The following SPDEF variants were observed in gnomAD, a reference collection of about 807,000 sequenced individuals.
SPDEF encodes the protein SAM pointed domain containing ETS transcription factor, also known as SAM pointed domain-containing Ets transcription factor.
A neutral mutation model predicts 36.0 loss-of-function variants in SPDEF; 12 were observed. That is an observed-to-expected ratio of 0.33 (90% confidence interval 0.21 to 0.54). SPDEF has a LOEUF of 0.54. Among genes scored for constraint, SPDEF ranks in the 20% least tolerant of loss-of-function variants. The probability of loss-of-function intolerance (pLI) is 0.93; values close to 1 mark genes in which losing one functional copy is unlikely to be tolerated. For missense variants in SPDEF, 388 were observed against 456.9 expected (o/e 0.85, Z 1.37); for synonymous variants, 205 against 193.0 (o/e 1.06, Z -0.51).
At chr6:34,545,933 C>T (rs1187626718) in intron 1 of SPDEF, among the ~76,000 whole-genome samples, 3 of 151,620 alleles carry the variant, frequency 2.0e-5, no homozygotes, top group Non-Finnish European at 2.9e-5. Context: ...ACAAAACACA[C>T]GCACACACAC....
chr6:34,541,866 TC>T (rs150293364), intron 2 of SPDEF, among the ~76,000 whole-genome samples: 8,315 of 152,260 alleles, frequency 0.055, 571 homozygotes, highest in African/African-American at 0.16. Flanking sequence ...GGGGTGAGCC[TC>T]ATAGGCCTAT....
At position 34,544,524 on chromosome 6, in the gene SPDEF, C is replaced by T. The variant is rs1051527482; in HGVS notation, c.-29-40G>A. On this transcript the variant is annotated intron_variant, in intron 1 of 5. Transcript: ENST00000374037. The surrounding 1 kb of genome is among the most constrained non-coding windows in gnomAD (Gnocchi z 4.4). ...GAGGACTCAGGTTTGACTGCTTCTCCATCCCTGTGGGGGCCGCTAAGCTGG... is the reference window on the plus strand; with the variant it reads ...GAGGACTCAGGTTTGACTGCTTCTCTATCCCTGTGGGGGCCGCTAAGCTGG... 30 of 1,434,978 alleles carry T rather than the reference C, an allele frequency of 2.1e-5. No individual in the cohort carries two copies. In the African/African-American group the frequency reaches 4.3e-4, roughly 21 times the overall value. The allele number at this position is 1,434,978 out of a possible 1,614,324, so 88.9% of individuals were successfully genotyped here. A position where few individuals can be genotyped will look rare whatever the true frequency, so the allele number is the denominator to read the frequency against.
chr6:34,555,043 A>C lies in SPDEF; in HGVS notation c.-30+886T>G, dbSNP rs1768136255. ...GAGGGATCTTGGCCTGCCCCTCCCC[A>C]ACATGCACACACACGCACACACACA... On this transcript the variant is annotated intron_variant, in intron 1 of 5. Transcript: ENST00000374037. The surrounding 1 kb of genome is among the most constrained non-coding windows in gnomAD (Gnocchi z 5.2). Among the ~76,000 whole-genome samples, 1 of 151,962 alleles carries C rather than the reference A, an allele frequency of 6.6e-6. No individual in the cohort carries two copies. The highest frequency in any genetic ancestry group is 2.4e-5 in the African/African-American group (1 of 41,348).
intron 1 of SPDEF, among the ~76,000 whole-genome samples, chr6:34,547,198 G>A (rs151201829): frequency 6.6e-5 from 10 of 152,284 alleles, no homozygotes; most frequent in East Asian, 3.9e-4. Flanking sequence ...GCCACAGGTA[G>A]GACAGGAGGC....
At chr6:34,543,915 G>T in intron 2 of SPDEF, 105 bp downstream of exon 2, 1 of 1,140,756 alleles carries the variant, frequency 8.8e-7, no homozygotes, top group Non-Finnish European at 1.2e-6. Flanking sequence ...CCGAGGCTGG[G>T]CCAGAGGTGG....
chr6:34,537,926 G>C lies in SPDEF; in HGVS notation c.*348C>G. 4.4e-6 allele frequency: 1 copy of C among 229,578 alleles called. No homozygotes were observed. Among genetic ancestry groups the C allele is most frequent in the Non-Finnish European group, 8.7e-6 (1 of 115,514 alleles). 14.2% of individuals were successfully genotyped at this position (229,578 alleles called of 1,614,324 possible). ...GAATGGGAGGCAGGGGGATGGAGCA[G>C]AGAGAGGCCTGGACTGCCTGTGGCC... is the stretch of plus-strand genomic sequence containing the variant. On this transcript the variant is annotated 3_prime_UTR_variant, in exon 6 of 6. Transcript: ENST00000374037.
rs1161522024 is a variant in SPDEF at position 34,552,226 on chromosome 6, C to T, written c.-30+3703G>A. On this transcript the variant is annotated intron_variant, in intron 1 of 5. Transcript: ENST00000374037. This position sits in a 1 kb window ranked among gnomAD's most constrained non-coding sequence, Gnocchi z 4.6. ...TACCCTCCTCCAGCCCCGCATACGCCGTACCTCCCAGCTTGCCACAGGACA... is the reference window on the plus strand; with the variant it reads ...TACCCTCCTCCAGCCCCGCATACGCTGTACCTCCCAGCTTGCCACAGGACA... Among the ~76,000 whole-genome samples, 1 of 152,146 alleles carries T rather than the reference C, an allele frequency of 6.6e-6. No homozygotes were observed. The highest frequency in any genetic ancestry group is 2.4e-5 in the African/African-American group (1 of 41,430).
chr6:34,554,098 G>A (rs1768119224), intron 1 of SPDEF, among the ~76,000 whole-genome samples: 2 of 152,116 alleles, frequency 1.3e-5, no homozygotes, highest in South Asian at 2.1e-4. Context: ...AAAGTGACCC[G>A]CCCACGGTCC....
chr6:34,539,689 C>T lies in SPDEF; in HGVS notation c.635-127G>A. 1 of 1,050,828 alleles carries T rather than the reference C, an allele frequency of 9.5e-7. No individual in the cohort carries two copies. Among genetic ancestry groups the T allele is most frequent in the Non-Finnish European group, 1.4e-6 (1 of 697,518 alleles). 65.1% of individuals were successfully genotyped at this position (1,050,828 alleles called of 1,614,324 possible). ...GGCTGGGGGTTGCCCCTGTGGCTCC[C>T]TGCCTCCTGCCAACCTGGGGAGGCA... On this transcript the variant is annotated intron_variant, in intron 3 of 5. Coordinates refer to ENST00000374037, the MANE Select transcript of SPDEF (RefSeq NM_012391.3). This position sits in a 1 kb window ranked among gnomAD's most constrained non-coding sequence, Gnocchi z 5.2.
At chr6:34,549,514 G>A (rs1768017332) in intron 1 of SPDEF, among the ~76,000 whole-genome samples, 2 of 152,128 alleles carry the variant, frequency 1.3e-5, no homozygotes, top group African/African-American at 4.8e-5. Flanking sequence ...CACCCCAACT[G>A]GCATCAGCAA....
chr6:34,541,547 C>T (rs958030052), intron 2 of SPDEF, among the ~76,000 whole-genome samples: 7 of 152,226 alleles, frequency 4.6e-5, no homozygotes, highest in African/African-American at 9.6e-5. Flanking sequence ...CTGGGCTTCT[C>T]CATCAGGTAC....
chr6:34,543,872 T>C (rs1056285308), intron 2 of SPDEF, 148 bp downstream of exon 2: 2 of 707,082 alleles, frequency 2.8e-6, no homozygotes, highest in Non-Finnish European at 4.6e-6. Context: ...CACAGCTGAC[T>C]GTGTGTAGAA....
chr6:34,543,854 C>T (rs1767881477), intron 2 of SPDEF, among the ~76,000 whole-genome samples, 166 bp downstream of exon 2: 1 of 152,192 alleles, frequency 6.6e-6, no homozygotes, highest in Admixed American at 6.5e-5. Context: ...ACCTTCCTGG[C>T]CCAGGCTCAC....
intron 3 of SPDEF, among the ~76,000 whole-genome samples, chr6:34,540,079 T>C (rs967195271): frequency 2.0e-5 from 3 of 152,070 alleles, no homozygotes; most frequent in African/African-American, 4.8e-5. Flanking sequence ...GGTGGGTGGA[T>C]TGCTCAAGCC....
chr6:34,542,620 A>G (rs1659982839), intron 2 of SPDEF, among the ~76,000 whole-genome samples: 3 of 152,366 alleles, frequency 2.0e-5, no homozygotes, highest in Middle Eastern at 6.8e-3. Flanking sequence ...CCAGAGAGGT[A>G]GCTCATGCCT....
rs942657181 is a variant in SPDEF at position 34,538,301 on chromosome 6, G to A, written c.981C>T (p.Leu327=). ...AGATGGGGTGCACGAACTGGTAGAC[G>A]AGGCGCTGGGAGATGTCTGGCTTCC... The part of the protein sequence containing the change: ...IIRKPDISQR[L]VYQFVHPI Residue 327 remains leucine, a synonymous_variant, in exon 6 of 6, where the codon CTC becomes CTT. Transcript: ENST00000374037. This position sits in a 1 kb window ranked among gnomAD's most constrained non-coding sequence, Gnocchi z 5.9. 6.8e-6 allele frequency: 11 copies of A among 1,613,992 alleles called. No individual in the cohort carries two copies. The highest frequency in any genetic ancestry group is 5.3e-5 in the African/African-American group (4 of 74,942).
In SPDEF at chr6:34,544,269, A is replaced by T; in HGVS notation, c.187T>A (p.Phe63Ile). The T allele has an allele frequency of 6.2e-7, 1 of 1,613,700 alleles. No homozygotes were observed. Among genetic ancestry groups the T allele is most frequent in the Non-Finnish European group, 8.5e-7 (1 of 1,179,934 alleles). Reference protein sequence around the residue: ...QGLSAFYLSYFDMLYPEDSSW... With the variant: ...QGLSAFYLSYIDMLYPEDSSW... ...CTGTCCTCAGGGTACAGCATGTCAA[A>T]GTAGGAGAGGTAGAAGGCGGACAGG... The change falls in exon 2 of 6, where the codon TTT becomes ATT. Residue 63 changes from phenylalanine (F) to isoleucine (I), a missense_variant. By Grantham distance (21) the Phe-to-Ile change is conservative. This residue lies in a region of SPDEF where 308 missense variants were observed against 326.1 expected (regional missense o/e 0.94). Coordinates refer to ENST00000374037, the MANE Select transcript of SPDEF (RefSeq NM_012391.3). The surrounding 1 kb of genome is among the most constrained non-coding windows in gnomAD (Gnocchi z 4.4).
In SPDEF at chr6:34,544,313, G is replaced by T; in HGVS notation, c.143C>A (p.Pro48His). The change falls in exon 2 of 6, where the codon CCC becomes CAC. Residue 48 changes from proline (P) to histidine (H), a missense_variant. Physicochemically the swap from Pro to His is moderately conservative, Grantham distance 77 (BLOSUM62 -2). This residue lies in a region of SPDEF where 308 missense variants were observed against 326.1 expected (regional missense o/e 0.94). Transcript: ENST00000374037. The surrounding 1 kb of genome is among the most constrained non-coding windows in gnomAD (Gnocchi z 4.4). ...GGACAGGCCCTGCTCGGGCGTGGCG[G>T]GTGGACTGGGACTCCAGTCCCGTCT... ...LERRDWSPSPPATPEQGLSAF... is the reference protein window; with the variant it reads ...LERRDWSPSPHATPEQGLSAF... The T allele has an allele frequency of 6.2e-7, 1 of 1,610,262 alleles. No homozygotes were observed. The highest frequency in any genetic ancestry group is 8.5e-7 in the Non-Finnish European group (1 of 1,179,762).
chr6:34,546,160 A>C (rs1216002080), intron 1 of SPDEF, among the ~76,000 whole-genome samples: 5 of 152,196 alleles, frequency 3.3e-5, no homozygotes, highest in African/African-American at 9.7e-5. Context: ...AGCTTGCTAG[A>C]AACTTGAATT....
Sources: gnomAD v4.1 joint callset for allele counts (sites outside exome capture counted in the v4.1 genomes callset) on GRCh38, gnomAD v4.1.1 for gene constraint, gnomAD v4.1.1 regional missense constraint, Gnocchi (gnomAD v3.1) non-coding constraint, MANE v1.5 for transcripts, NCBI Gene and HGNC (gene_info 2026-07-23, HGNC 2026-07-21) for gene names.